Variants in STN1 observed in about 807,000 individuals in gnomAD.
STN1 encodes the protein STN1 subunit of CST complex, also known as CST complex subunit STN1.
STN1 carries 29 observed loss-of-function variants against 45.5 expected under a neutral mutation model. The observed-to-expected ratio is 0.64, with a 90% confidence interval of 0.47 to 0.87. STN1 has a LOEUF of 0.87. Ranked by LOEUF, STN1 falls within the 40% of genes least tolerant of loss-of-function variation. The pLI is 0.00. For synonymous variants in STN1, 148 were observed against 159.0 expected, an observed-to-expected ratio of 0.93 and a Z score of 0.52; for missense variants, 376 against 441.4, an observed-to-expected ratio of 0.85 and a Z score of 1.33.
At chr10:103,893,601 C>T (rs1843154079) in intron 7 of STN1, among the ~76,000 whole-genome samples, 1 of 152,128 alleles carries the variant, frequency 6.6e-6, no homozygotes. Context: ...ACTTACAAAG[C>T]CTATGTGGGG....
At chr10:103,894,764 G>T (rs904783666) in intron 7 of STN1, among the ~76,000 whole-genome samples, 1 of 150,624 alleles carries the variant, frequency 6.6e-6, no homozygotes, top group South Asian at 2.1e-4. Flanking sequence ...ACCAAGCCTC[G>T]CCTCATCTCA....
At position 103,882,644 on chromosome 10, in the gene STN1, C is replaced by A. The variant is rs1161460651; in HGVS notation, c.*40G>T. The A allele has an allele frequency of 5.7e-6, 9 of 1,567,228 alleles. No homozygotes were observed. In the South Asian group the frequency reaches 1.1e-4, roughly 19 times the overall value. On this transcript the variant is annotated 3_prime_UTR_variant, in exon 10 of 10. Coordinates refer to ENST00000224950, the MANE Select transcript of STN1 (RefSeq NM_024928.5). Reference sequence around the variant, plus strand: ...AGTCAGAGCCTGGGGGTGAATGCCACCTTATCTTTGTCCTCCTCAGCTGGT... The same window carrying A: ...AGTCAGAGCCTGGGGGTGAATGCCAACTTATCTTTGTCCTCCTCAGCTGGT...
At chr10:103,903,775 T>C (rs1164168738) in intron 4 of STN1, among the ~76,000 whole-genome samples, 4 of 152,160 alleles carry the variant, frequency 2.6e-5, no homozygotes, top group Admixed American at 1.3e-4. Flanking sequence ...ACAAAACAGA[T>C]TAAGAAAAAC....
intron 4 of STN1, 133 bp from the exon 5 acceptor site, chr10:103,900,356 G>T: frequency 1.2e-6 from 1 of 857,790 alleles, no homozygotes; most frequent in Non-Finnish European, 1.7e-6. Flanking sequence ...TTGTTCTACT[G>T]TTGGAAATCC....
chr10:103,917,087 G>C (rs943875578), intron 2 of STN1, among the ~76,000 whole-genome samples: 3 of 152,018 alleles, frequency 2.0e-5, no homozygotes, highest in African/African-American at 7.2e-5. Flanking sequence ...TCACATGCCC[G>C]GACCAGGTAA....
intron 9 of STN1, among the ~76,000 whole-genome samples, chr10:103,884,978 T>G (rs4918068): frequency 0.44 from 67,535 of 151,944 alleles, 15,721 homozygotes; most frequent in Admixed American, 0.5. Context: ...TATGTGTGCA[T>G]TGCTGAGCAA....
chr10:103,891,899 G>T (rs10883944), intron 8 of STN1, among the ~76,000 whole-genome samples: 47,889 of 152,016 alleles, frequency 0.32, 8,362 homozygotes, highest in East Asian at 0.64. Flanking sequence ...TCTGCATTTG[G>T]TTGAAAAAGT....
rs910023958 is a variant in STN1 at position 103,881,819 on chromosome 10, C to A, written c.*865G>T. On this transcript the variant is annotated 3_prime_UTR_variant, in exon 10 of 10. Coordinates refer to ENST00000224950, the MANE Select transcript of STN1 (RefSeq NM_024928.5). ...TTTTCCTTTACCTTGTCATTCTGAG[C>A]AAAAGCATGACTCCATCACCTGTCT... 2.6e-5 allele frequency among the ~76,000 whole-genome samples: 4 copies of A among 152,188 alleles called. No individual in the cohort carries two copies. Among genetic ancestry groups the A allele is most frequent in the African/African-American group, 9.7e-5 (4 of 41,440 alleles).
intron 3 of STN1, among the ~76,000 whole-genome samples, chr10:103,910,149 T>A (rs1843280163): frequency 6.6e-6 from 1 of 152,208 alleles, no homozygotes; most frequent in South Asian, 2.1e-4. Context: ...TACTTTAACA[T>A]TAATCTGGTC....
chr10:103,904,992 T>TTTC, intron 4 of STN1, 99 bp downstream of exon 4: 2 of 1,032,866 alleles, frequency 1.9e-6, no homozygotes, highest in Non-Finnish European at 3.0e-6. Flanking sequence ...CACCAGCAGA[T>TTTC]AAATGTGAAA....
chr10:103,882,602 C>A lies in STN1; in HGVS notation c.*82G>T, dbSNP rs1197555085. On this transcript the variant is annotated 3_prime_UTR_variant, in exon 10 of 10. Coordinates refer to ENST00000224950, the MANE Select transcript of STN1 (RefSeq NM_024928.5). ...GGTAACTGCCTCCAGACAGATAAGCCCCTGCATGATGCTGAAAGTCAGAGC... is the reference window on the plus strand; with the variant it reads ...GGTAACTGCCTCCAGACAGATAAGCACCTGCATGATGCTGAAAGTCAGAGC... 4 of 1,410,728 alleles carry A rather than the reference C, an allele frequency of 2.8e-6. No homozygotes were observed. Among genetic ancestry groups the A allele is most frequent in the Non-Finnish European group, 3.9e-6 (4 of 1,036,046 alleles). 87.4% of individuals were successfully genotyped at this position (1,410,728 alleles called of 1,614,324 possible). A position where few individuals can be genotyped will look rare whatever the true frequency, so the allele number is the denominator to read the frequency against.
At chr10:103,917,879 A>G (rs1843345367) in intron 1 of STN1, among the ~76,000 whole-genome samples, 1 of 152,128 alleles carries the variant, frequency 6.6e-6, no homozygotes, top group Non-Finnish European at 1.5e-5. Flanking sequence ...CCCACAAAGC[A>G]CCAACTTCGG....
chr10:103,904,756 T>G (rs996788008), intron 4 of STN1, among the ~76,000 whole-genome samples: 1 of 152,202 alleles, frequency 6.6e-6, no homozygotes, highest in African/African-American at 2.4e-5. Flanking sequence ...ACAAGGGGAT[T>G]CAGACCTGAC....
intron 5 of STN1, among the ~76,000 whole-genome samples, chr10:103,899,674 A>G (rs1843194066): frequency 6.7e-6 from 1 of 149,500 alleles, no homozygotes; most frequent in African/African-American, 2.6e-5. Flanking sequence ...GCAACAGTGT[A>G]AGACTCTGTC....
chr10:103,912,016 C>T (rs1358771372), intron 2 of STN1, among the ~76,000 whole-genome samples: 3 of 152,210 alleles, frequency 2.0e-5, no homozygotes, highest in Middle Eastern at 3.4e-3. Flanking sequence ...CACAGAGGCA[C>T]GCTTCAAGAG....
intron 2 of STN1, among the ~76,000 whole-genome samples, chr10:103,912,036 T>C (rs1351597212): frequency 6.6e-6 from 1 of 151,996 alleles, no homozygotes; most frequent in East Asian, 1.9e-4. Flanking sequence ...GATAACCTGG[T>C]GGTTGGAGAT....
At chr10:103,915,628 A>G (rs1032804183) in intron 2 of STN1, among the ~76,000 whole-genome samples, 1 of 152,206 alleles carries the variant, frequency 6.6e-6, no homozygotes, top group African/African-American at 2.4e-5. Flanking sequence ...TTTGCTGTTT[A>G]AACAATCCTA....
At chr10:103,913,006 C>G (rs916038560) in intron 2 of STN1, among the ~76,000 whole-genome samples, 1 of 152,260 alleles carries the variant, frequency 6.6e-6, no homozygotes, top group South Asian at 2.1e-4. Flanking sequence ...GGTTGAGAAG[C>G]AGCAGGATGC....
intron 9 of STN1, among the ~76,000 whole-genome samples, chr10:103,886,562 A>G (rs1843104746): frequency 6.6e-6 from 1 of 152,212 alleles, no homozygotes; most frequent in African/African-American, 2.4e-5. Flanking sequence ...ATACAGCAAA[A>G]TCCACATACA....
Sources: allele counts gnomAD v4.1 joint callset (sites outside exome capture counted in the v4.1 genomes callset), GRCh38; gene constraint gnomAD v4.1.1; transcripts MANE v1.5; gene names NCBI Gene and HGNC (gene_info 2026-07-23, HGNC 2026-07-21).